The following RNF111 variants were observed in gnomAD, a reference collection of about 807,000 sequenced individuals.
The protein encoded by RNF111 is ring finger protein 111.
RNF111 carries 17 observed loss-of-function variants against 95.1 expected under a neutral mutation model. The observed-to-expected ratio is 0.18, with a 90% CI of 0.12 to 0.27. The LOEUF (loss-of-function observed/expected upper bound fraction) is 0.27, where lower values mean the gene tolerates loss of function less well. Ranked by LOEUF, RNF111 falls within the 10% of genes least tolerant of loss-of-function variation. The probability of loss-of-function intolerance (pLI) is 1.00; values close to 1 mark genes in which losing one functional copy is unlikely to be tolerated. For missense variants in RNF111, 1,189 were observed against 1,210.4 expected (o/e 0.98, Z 0.26); for synonymous variants, 440 against 414.8 (o/e 1.06, Z -0.74).
intron 7 of RNF111, 147 bp from the exon 8 acceptor site, chr15:59,080,789 T>G (rs560549999): frequency 1.6e-6 from 1 of 615,082 alleles, no homozygotes; most frequent in Admixed American, 3.3e-5. Context: ...GCAAGTTGCT[T>G]GAGCAGTTGC....
At chr15:59,055,979 C>G in intron 4 of RNF111, 134 bp downstream of exon 4, 1 of 697,036 alleles carries the variant, frequency 1.4e-6, no homozygotes, top group Non-Finnish European at 2.1e-6. Context: ...ATTTTTTAAT[C>G]TCGTTTTTAA....
At position 59,073,908 on chromosome 15, in the gene RNF111, C is replaced by G. The variant is rs557977761; in HGVS notation, c.1687-2046C>G. ...TACTCCTTGATTCATAGTCTGCAGA[C>G]TGGATGTTGTGTTAGGTATGAAAAC... is the stretch of plus-strand genomic sequence containing the variant. On this transcript the variant is annotated intron_variant, in intron 6 of 13. Coordinates refer to ENST00000348370, the MANE Select transcript of RNF111 (RefSeq NM_017610.8). Among the ~76,000 whole-genome samples, 7 of 152,272 alleles carry G rather than the reference C, an allele frequency of 4.6e-5. No homozygotes were observed. The East Asian group carries it at 1.2e-3, about 25-fold the overall frequency.
At chr15:58,995,553 G>A in intron 1 of RNF111, among the ~76,000 whole-genome samples, 1 of 151,590 alleles carries the variant, frequency 6.6e-6, no homozygotes, top group East Asian at 1.9e-4. Context: ...CTGCCTCCCG[G>A]GTTCAAGCAA....
At position 59,015,431 on chromosome 15, in the gene RNF111, G is replaced by T. The variant is rs372331835; in HGVS notation, c.-19-15373G>T. 1.1e-4 allele frequency among the ~76,000 whole-genome samples: 17 copies of T among 152,028 alleles called. No homozygotes were observed. In the East Asian group the frequency reaches 1.7e-3, roughly 16 times the overall value. ...GAGATAATATTGTTAGTCACAATTG[G>T]CATGTTAATGTGGTGAAACTGCTAA... On this transcript the variant is annotated intron_variant, in intron 1 of 13. Transcript: ENST00000348370.
At chr15:59,010,600 C>A (rs1347170039) in intron 1 of RNF111, among the ~76,000 whole-genome samples, 1 of 152,042 alleles carries the variant, frequency 6.6e-6, no homozygotes. Flanking sequence ...CAGGGTTTTA[C>A]CATGTTGACC....
intron 8 of RNF111, among the ~76,000 whole-genome samples, chr15:59,083,497 C>T (rs1201609241): frequency 6.6e-6 from 1 of 150,744 alleles, no homozygotes; most frequent in African/African-American, 2.5e-5. Flanking sequence ...AAGATTGCCA[C>T]TGTACTCCAG....
At chr15:59,054,758 CTCT>C (rs1346584491) in intron 3 of RNF111, among the ~76,000 whole-genome samples, 1 of 152,098 alleles carries the variant, frequency 6.6e-6, no homozygotes, top group Middle Eastern at 3.2e-3. Flanking sequence ...CTTTGGAGTT[CTCT>C]TCTTAGTGGT....
intron 7 of RNF111, among the ~76,000 whole-genome samples, chr15:59,077,356 T>A (rs1261843036): frequency 1.3e-5 from 2 of 152,186 alleles, no homozygotes; most frequent in Admixed American, 1.3e-4. Flanking sequence ...TTTGTTATAT[T>A]CTAAAACATT....
In RNF111 at chr15:59,095,490, G is replaced by A. The variant is rs1006354331; in HGVS notation, c.*590G>A. 5 of 153,222 alleles carry A rather than the reference G, an allele frequency of 3.3e-5. No homozygotes were observed. Among genetic ancestry groups the A allele is most frequent in the Non-Finnish European group, 7.3e-5 (5 of 68,634 alleles). The allele number at this position is 153,222 out of a possible 1,614,324, so 9.5% of individuals were successfully genotyped here. On this transcript the variant is annotated 3_prime_UTR_variant, in exon 14 of 14. Transcript: ENST00000348370. The stretch of plus-strand genomic sequence containing the variant: ...CAACCCATATAAATCAGATGCAGGT[G>A]GTAGTCACATCACCAGAGTGATCAG...
intron 2 of RNF111, among the ~76,000 whole-genome samples, chr15:59,034,281 C>G (rs1281097687): frequency 1.3e-5 from 2 of 152,042 alleles, no homozygotes; most frequent in African/African-American, 4.8e-5. Context: ...GTTTTATACA[C>G]CTATGTAAGT....
At chr15:59,089,501 C>G (rs1484689697) in intron 10 of RNF111, among the ~76,000 whole-genome samples, 166 bp from the exon 11 acceptor site, 4 of 152,162 alleles carry the variant, frequency 2.6e-5, no homozygotes, top group African/African-American at 9.7e-5. Flanking sequence ...TAACAGAAAC[C>G]TAAACCTGTT....
At chr15:59,057,341 T>G (rs1318492689) in intron 4 of RNF111, among the ~76,000 whole-genome samples, 3 of 152,156 alleles carry the variant, frequency 2.0e-5, no homozygotes. Flanking sequence ...TACAAGCAAT[T>G]TGCATATACA....
intron 1 of RNF111, among the ~76,000 whole-genome samples, chr15:59,021,675 C>T (rs1201482705): frequency 1.3e-5 from 2 of 152,118 alleles, no homozygotes; most frequent in East Asian, 3.9e-4. Flanking sequence ...TTAGAGAGTA[C>T]TATGGCCAAG....
intron 1 of RNF111, among the ~76,000 whole-genome samples, chr15:59,019,534 T>C (rs1476308737): frequency 6.6e-6 from 1 of 151,362 alleles, no homozygotes; most frequent in East Asian, 1.9e-4. Context: ...TTTTGTAGTG[T>C]TTTTCATATG....
At chr15:59,020,303 A>G (rs117313815) in intron 1 of RNF111, among the ~76,000 whole-genome samples, 3 of 151,426 alleles carry the variant, frequency 2.0e-5, no homozygotes, top group Non-Finnish European at 2.9e-5. Flanking sequence ...ATTGTAATAT[A>G]TAGTAATTAA....
chr15:59,048,289 T>C (rs1450474809), intron 2 of RNF111, among the ~76,000 whole-genome samples: 1 of 152,210 alleles, frequency 6.6e-6, no homozygotes, highest in African/African-American at 2.4e-5. Context: ...AGTATGAATA[T>C]TGATACAACA....
At chr15:59,006,905 C>T (rs2039565898) in intron 1 of RNF111, among the ~76,000 whole-genome samples, 1 of 152,126 alleles carries the variant, frequency 6.6e-6, no homozygotes, top group South Asian at 2.1e-4. Flanking sequence ...TCTGCCTCAG[C>T]CCCCCGAGTA....
At position 59,040,140 on chromosome 15, in the gene RNF111, G is replaced by A. The variant is rs1201559542; in HGVS notation, c.880+8438G>A. ...CCTAATTTTTTTTTTTTAAAGGGAC[G>A]GTCTCACTCTGTTGCCTAGGCTGGA... On this transcript the variant is annotated intron_variant, in intron 2 of 13. Coordinates refer to ENST00000348370, the MANE Select transcript of RNF111 (RefSeq NM_017610.8). 5.3e-5 allele frequency among the ~76,000 whole-genome samples: 8 copies of A among 151,384 alleles called. No individual in the cohort carries two copies. The South Asian group carries it at 8.4e-4, about 16-fold the overall frequency.
chr15:59,061,634 C>G (rs2042442646), intron 5 of RNF111, among the ~76,000 whole-genome samples: 1 of 152,194 alleles, frequency 6.6e-6, no homozygotes, highest in South Asian at 2.1e-4. Context: ...AATTCCTAGT[C>G]TCCTAACTCC....
Sources: allele counts gnomAD v4.1 joint callset (sites outside exome capture counted in the v4.1 genomes callset), GRCh38; gene constraint gnomAD v4.1.1; transcripts MANE v1.5; gene names NCBI Gene and HGNC (gene_info 2026-07-23, HGNC 2026-07-21).